The following PDE4B variants were observed in gnomAD, a reference collection of about 807,000 sequenced individuals.
PDE4B encodes the protein 3',5'-cyclic-AMP phosphodiesterase 4B.
PDE4B carries 20 observed loss-of-function variants against 82.2 expected under a neutral mutation model. The observed-to-expected ratio is 0.24, with a 90% CI of 0.17 to 0.35. The LOEUF (loss-of-function observed/expected upper bound fraction) is 0.35. Ranked by LOEUF, PDE4B falls within the 10% of genes least tolerant of loss-of-function variation. PDE4B has a pLI of 1.00. For missense variants in PDE4B, 655 were observed against 907.2 expected (o/e 0.72, Z 3.57); for synonymous variants, 320 against 318.9 (o/e 1.00, Z -0.04).
chr1:66,183,302 A>G (rs1040766443), intron 3 of PDE4B, among the ~76,000 whole-genome samples: 1 of 152,218 alleles, frequency 6.6e-6, no homozygotes, highest in Non-Finnish European at 1.5e-5. Context: ...AATACATGAT[A>G]AACTCTAATC....
intron 1 of PDE4B, among the ~76,000 whole-genome samples, chr1:65,812,485 A>T (rs962726125): frequency 3.9e-4 from 60 of 152,202 alleles, no homozygotes; most frequent in Non-Finnish European, 1.3e-4. Flanking sequence ...GGCCATAATC[A>T]TGTAGGTTTT....
At chr1:65,885,283 C>T (rs1294919139) in intron 1 of PDE4B, among the ~76,000 whole-genome samples, 1 of 152,194 alleles carries the variant, frequency 6.6e-6, no homozygotes, top group Non-Finnish European at 1.5e-5. Context: ...CTAGCTCAAC[C>T]ATTGTGGAAG....
intron 3 of PDE4B, among the ~76,000 whole-genome samples, chr1:65,923,535 T>G (rs550109972): frequency 2.6e-5 from 4 of 152,230 alleles, no homozygotes; most frequent in Admixed American, 6.5e-5. Flanking sequence ...TACTTACCAA[T>G]GTTTTGGTTT....
At chr1:66,066,530 T>C (rs1557536768) in intron 3 of PDE4B, among the ~76,000 whole-genome samples, 1 of 151,950 alleles carries the variant, frequency 6.6e-6, no homozygotes, top group South Asian at 2.1e-4. Context: ...TATTGAAATG[T>C]TAATGCACAT....
chr1:66,074,287 A>G (rs779955716), intron 3 of PDE4B, among the ~76,000 whole-genome samples: 8 of 152,112 alleles, frequency 5.3e-5, no homozygotes, highest in Non-Finnish European at 1.0e-4. Context: ...TTTGTGAGGA[A>G]TTGTCAGGTC....
chr1:66,188,046 G>A (rs201146429), intron 3 of PDE4B, among the ~76,000 whole-genome samples: 4,072 of 135,326 alleles, frequency 0.03, 182 homozygotes, highest in East Asian at 0.26. Context: ...CTTTGTTCTC[G>A]TTGGTTTCAA....
chr1:65,803,396 T>C (rs142574663), intron 1 of PDE4B, among the ~76,000 whole-genome samples: 1 of 152,348 alleles, frequency 6.6e-6, no homozygotes, highest in African/African-American at 2.4e-5. Flanking sequence ...GTAAAGAAGA[T>C]GATGGGTGAT....
intron 3 of PDE4B, among the ~76,000 whole-genome samples, chr1:65,947,620 G>C (rs1648778059): frequency 6.6e-6 from 1 of 151,968 alleles, no homozygotes; most frequent in South Asian, 2.1e-4. Context: ...TTCCCAGTAT[G>C]ACTGGTATCT....
At chr1:66,167,753 G>A (rs1020176336) in intron 3 of PDE4B, among the ~76,000 whole-genome samples, 17 of 152,170 alleles carry the variant, frequency 1.1e-4, no homozygotes, top group African/African-American at 4.1e-4. Context: ...CTGTGGTTAT[G>A]GTGGTAAATT....
chr1:66,116,424 A>C (rs115069695), intron 3 of PDE4B, among the ~76,000 whole-genome samples: 1,925 of 151,808 alleles, frequency 0.013, 44 homozygotes, highest in African/African-American at 0.045. Context: ...CCTCCCCCCA[A>C]CTCCCACCAC....
chr1:65,985,932 G>T (rs1252573378), intron 3 of PDE4B, among the ~76,000 whole-genome samples: 4 of 152,020 alleles, frequency 2.6e-5, no homozygotes. Context: ...ACTGCGGCAG[G>T]AATGTGAATA....
At chr1:66,174,165 A>G (rs940640637) in intron 3 of PDE4B, among the ~76,000 whole-genome samples, 6 of 152,204 alleles carry the variant, frequency 3.9e-5, no homozygotes, top group African/African-American at 1.4e-4. Flanking sequence ...GAGAAAATAA[A>G]ATGGAACTCT....
At chr1:66,275,934 C>A (rs184149935) in intron 7 of PDE4B, among the ~76,000 whole-genome samples, 2 of 152,270 alleles carry the variant, frequency 1.3e-5, no homozygotes, top group Admixed American at 1.3e-4. Context: ...TTTTTCCTAC[C>A]CCCTGTCTGG....
chr1:66,045,870 T>G (rs747477228), intron 3 of PDE4B, among the ~76,000 whole-genome samples: 39 of 151,668 alleles, frequency 2.6e-4, no homozygotes, highest in Non-Finnish European at 5.3e-4. Flanking sequence ...CATGTATAGT[T>G]AAATAAGGCT....
At chr1:65,803,944 G>C (rs956511337) in intron 1 of PDE4B, among the ~76,000 whole-genome samples, 3 of 152,204 alleles carry the variant, frequency 2.0e-5, no homozygotes, top group African/African-American at 7.2e-5. Flanking sequence ...TGAATTGTAT[G>C]ATATGCTGAT....
chr1:66,281,221 TAA>T (rs1656277403), intron 7 of PDE4B, among the ~76,000 whole-genome samples: 1 of 152,256 alleles, frequency 6.6e-6, no homozygotes, highest in Non-Finnish European at 1.5e-5. Context: ...TTCCCTTTTC[TAA>T]ATTTGTTGAT....
chr1:66,336,919 G>T (rs1487416175), intron 8 of PDE4B, among the ~76,000 whole-genome samples: 2 of 152,204 alleles, frequency 1.3e-5, no homozygotes, highest in African/African-American at 2.4e-5. Flanking sequence ...ATTCTACCAG[G>T]CCCCGAGCCA....
chr1:66,064,026 A>G (rs1034527873), intron 3 of PDE4B, among the ~76,000 whole-genome samples: 1 of 151,952 alleles, frequency 6.6e-6, no homozygotes, highest in Non-Finnish European at 1.5e-5. Flanking sequence ...AGTTACCCAA[A>G]ATTGAGTCAG....
chr1:65,885,313 A>G (rs1367925622), intron 1 of PDE4B, among the ~76,000 whole-genome samples: 11 of 152,208 alleles, frequency 7.2e-5, no homozygotes, highest in Non-Finnish European at 1.3e-4. Context: ...CGATTCCTCA[A>G]GTATCTAGAA....
Sources: allele counts gnomAD v4.1 joint callset (sites outside exome capture counted in the v4.1 genomes callset), GRCh38; gene constraint gnomAD v4.1.1; transcripts MANE v1.5; gene names NCBI Gene and HGNC (gene_info 2026-07-23, HGNC 2026-07-21).